GAPVD1: variants seen among roughly 807,000 people sequenced by gnomAD.
GAPVD1 encodes the protein GTPase-activating protein and VPS9 domain-containing protein 1.
In GAPVD1, 35 loss-of-function variants were observed where a neutral mutation model predicts 155.5. That is an observed-to-expected ratio of 0.23 (90% CI 0.17 to 0.30). The LOEUF (loss-of-function observed/expected upper bound fraction) is 0.30. GAPVD1 is among the 10% of genes least tolerant of loss of function. The pLI, the probability that GAPVD1 is intolerant of heterozygous loss-of-function variation, is 1.00. For missense variants in GAPVD1, 1,429 were observed against 1,775.7 expected, an observed-to-expected ratio of 0.80 and a Z score of 3.51; for synonymous variants, 636 against 619.7, an observed-to-expected ratio of 1.03 and a Z score of -0.39.
At chr9:125,288,214 C>T (rs558711101) in intron 2 of GAPVD1, among the ~76,000 whole-genome samples, 58 of 151,376 alleles carry the variant, frequency 3.8e-4, no homozygotes, top group African/African-American at 1.4e-3. Flanking sequence ...TGGGTTCAAG[C>T]GATTCTCCTG....
intron 25 of GAPVD1, 95 bp from the exon 26 acceptor site, chr9:125,359,324 AC>A: frequency 1.3e-6 from 1 of 767,080 alleles, no homozygotes; most frequent in Non-Finnish European, 2.4e-6. Flanking sequence ...TATCTAGTCA[AC>A]ATGTTTCACG....
intron 9 of GAPVD1, among the ~76,000 whole-genome samples, chr9:125,314,813 AG>A: frequency 7.3e-6 from 1 of 137,012 alleles, no homozygotes; most frequent in Non-Finnish European, 1.6e-5. Context: ...TTTGAGACGG[AG>A]TCTCACTCTG....
rs558844237 is a variant in GAPVD1 at position 125,345,181 on chromosome 9, T to C, written c.3047-1638T>C. The stretch of plus-strand genomic sequence containing the variant: ...TTTTCTTTTTCTTTTCTCTCTCTCT[T>C]TTTTTTTTTTTTCTTTTGAGACAGT... On this transcript the variant is annotated intron_variant, in intron 19 of 27. Coordinates refer to ENST00000297933, the MANE Select transcript of GAPVD1 (RefSeq NM_001282680.3). Among the ~76,000 whole-genome samples, 176 of 147,440 alleles carry C rather than the reference T, an allele frequency of 1.2e-3. 6 individuals are homozygous for C. Among genetic ancestry groups the C allele is most frequent in the Admixed American group, 0.01 (152 of 14,774 alleles).
At chr9:125,356,049 A>G (rs1284615242) in intron 25 of GAPVD1, among the ~76,000 whole-genome samples, 192 bp downstream of exon 25, 3 of 152,222 alleles carry the variant, frequency 2.0e-5, no homozygotes, top group Non-Finnish European at 4.4e-5. Flanking sequence ...TGGGCAGTCA[A>G]GCTGGAAGGA....
At chr9:125,283,126 C>A (rs912606367) in intron 2 of GAPVD1, among the ~76,000 whole-genome samples, 21 of 150,590 alleles carry the variant, frequency 1.4e-4, no homozygotes, top group African/African-American at 4.9e-4. Context: ...ATGGCGTGAT[C>A]TTGGCTCACC....
chr9:125,266,825 A>G (rs1485733935), intron 1 of GAPVD1, among the ~76,000 whole-genome samples: 1 of 151,974 alleles, frequency 6.6e-6, no homozygotes, highest in Non-Finnish European at 1.5e-5. Flanking sequence ...CAGTGGCGCC[A>G]TCTCAAGTCA....
chr9:125,342,280 C>A lies in GAPVD1; in HGVS notation c.3027C>A (p.Asp1009Glu). The A allele has an allele frequency of 6.3e-7, 1 of 1,591,980 alleles. No homozygotes were observed. The highest frequency in any genetic ancestry group is 8.6e-7 in the Non-Finnish European group (1 of 1,159,908). The change falls in exon 19 of 28, where the codon GAC becomes GAA. Residue 1009 changes from aspartate to glutamate, a missense_variant. Physicochemically the swap from Asp to Glu is conservative, Grantham distance 45. This residue lies in a region of GAPVD1 where 699 missense variants were observed against 826.0 expected (regional missense o/e 0.85). Coordinates refer to ENST00000297933, the MANE Select transcript of GAPVD1 (RefSeq NM_001282680.3). Reference protein sequence around the residue: ...QEKDKDDLGPDRFSTLTDDPS... With the variant: ...QEKDKDDLGPERFSTLTDDPS... ...AAGACAAAGATGATCTGGGGCCTGA[C>A]AGATTCTCAACACTCACAGGTTTGT...
At chr9:125,350,936 T>TTACAGTTCCATGTGG in intron 23 of GAPVD1, 64 bp downstream of exon 23, 1 of 1,287,256 alleles carries the variant, frequency 7.8e-7, no homozygotes, top group Non-Finnish European at 1.1e-6. Flanking sequence ...TTCTTTTTTA[T>TTACAGTTCCATGTGG]CCTTATTTCA....
At chr9:125,271,873 T>C (rs1834977498) in intron 2 of GAPVD1, among the ~76,000 whole-genome samples, 1 of 152,178 alleles carries the variant, frequency 6.6e-6, no homozygotes, top group Non-Finnish European at 1.5e-5. Flanking sequence ...TCTATCCCTT[T>C]GTTTTACTTG....
chr9:125,345,440 A>C (rs1011279648), intron 19 of GAPVD1, among the ~76,000 whole-genome samples: 2 of 152,120 alleles, frequency 1.3e-5, no homozygotes, highest in Non-Finnish European at 2.9e-5. Context: ...ATCGGCCTCC[A>C]AAGTGCTAGG....
In GAPVD1 at chr9:125,261,940, T is replaced by TC. The variant is rs1234935305; in HGVS notation, c.-213dup. 6.5e-6 allele frequency: 1 copy of TC among 153,036 alleles called. No individual in the cohort carries two copies. The highest frequency in any genetic ancestry group is 1.5e-5 in the Non-Finnish European group (1 of 68,796). The allele number at this position is 153,036 out of a possible 1,614,324, so 9.5% of individuals were successfully genotyped here. ...CGGTCCGACAGAGTCCTCCGTGTCC[T>TC]CCCCCGCATGACCCCCTTGGTGAGT... is the stretch of plus-strand genomic sequence containing the variant. On this transcript the variant is annotated 5_prime_UTR_variant, in exon 1 of 28. Transcript: ENST00000297933.
At chr9:125,300,885 T>G (rs984514763) in intron 4 of GAPVD1, among the ~76,000 whole-genome samples, 6 of 152,170 alleles carry the variant, frequency 3.9e-5, no homozygotes, top group Admixed American at 2.6e-4. Context: ...TTTATTTGGA[T>G]TTGTTTCCAG....
intron 25 of GAPVD1, among the ~76,000 whole-genome samples, chr9:125,357,191 C>T (rs1235099301): frequency 6.6e-6 from 1 of 152,188 alleles, no homozygotes; most frequent in Non-Finnish European, 1.5e-5. Flanking sequence ...CTTATTCCCT[C>T]TGCGAGACCA....
intron 11 of GAPVD1, among the ~76,000 whole-genome samples, chr9:125,325,089 G>A (rs1040243235): frequency 7.2e-5 from 11 of 152,034 alleles, no homozygotes; most frequent in African/African-American, 9.7e-5. Context: ...GCCAGGTGAG[G>A]TGGTGAGCAC....
At position 125,363,721 on chromosome 9, in the gene GAPVD1, C is replaced by G. The variant is rs1851238317; in HGVS notation, c.*975C>G. 1 of 152,570 alleles carries G rather than the reference C, an allele frequency of 6.6e-6. No homozygotes were observed. The highest frequency in any genetic ancestry group is 2.4e-5 in the African/African-American group (1 of 41,440). The allele number at this position is 152,570 out of a possible 1,614,324, so 9.5% of individuals were successfully genotyped here. On this transcript the variant is annotated 3_prime_UTR_variant, in exon 28 of 28. Transcript: ENST00000297933. ...GATTATTCACATTGAATGCACAGAC[C>G]AAGAATTCAGTGAATGTCATTTTTT...
chr9:125,268,583 T>G (rs1255005258), intron 1 of GAPVD1, among the ~76,000 whole-genome samples: 1 of 142,030 alleles, frequency 7.0e-6, no homozygotes, highest in African/African-American at 2.6e-5. Context: ...CACTGCAGCC[T>G]CCACCTCCCT....
In GAPVD1 at chr9:125,354,846, C is replaced by T. The variant is rs1206462688; in HGVS notation, c.3757+5C>T. On this transcript the variant is annotated splice_donor_5th_base_variant and intron_variant, in intron 24 of 27. Transcript: ENST00000297933. ...AGATCAGGGAATTCATTCAAGGTAACTCAATACCTTTAGTTTAAGCATCTC... is the reference window on the plus strand; with the variant it reads ...AGATCAGGGAATTCATTCAAGGTAATTCAATACCTTTAGTTTAAGCATCTC... 6.3e-7 allele frequency: 1 copy of T among 1,584,552 alleles called. No individual in the cohort carries two copies. Among genetic ancestry groups the T allele is most frequent in the Non-Finnish European group, 8.7e-7 (1 of 1,153,048 alleles).
intron 8 of GAPVD1, among the ~76,000 whole-genome samples, chr9:125,310,903 G>C (rs563710029): frequency 1.3e-5 from 2 of 150,246 alleles, no homozygotes; most frequent in African/African-American, 4.9e-5. Context: ...GCAATACTGC[G>C]ATCTCGGCTC....
intron 2 of GAPVD1, among the ~76,000 whole-genome samples, chr9:125,280,628 T>C (rs1214582367): frequency 6.7e-6 from 1 of 149,434 alleles, no homozygotes; most frequent in African/African-American, 2.5e-5. Flanking sequence ...CAGACTGGAG[T>C]GCAGTGGCGC....
Sources: allele counts gnomAD v4.1 joint callset (sites outside exome capture counted in the v4.1 genomes callset), GRCh38; gene constraint gnomAD v4.1.1; regional missense constraint gnomAD v4.1.1; transcripts MANE v1.5; gene names NCBI Gene and HGNC (gene_info 2026-07-23, HGNC 2026-07-21).